SLC12A2: variants seen among roughly 807,000 people sequenced by gnomAD.
SLC12A2 encodes Na-K-2Cl cotransporter 1.
A neutral mutation model predicts 136.3 loss-of-function variants in SLC12A2; 67 were observed. That is an observed-to-expected ratio of 0.49 (90% CI 0.40 to 0.60). The LOEUF (loss-of-function observed/expected upper bound fraction) is 0.60. Ranked by LOEUF, SLC12A2 falls within the 20% of genes least tolerant of loss-of-function variation. The pLI is 0.00. For missense variants in SLC12A2, 1,322 were observed against 1,534.7 expected (o/e 0.86, Z 2.32); for synonymous variants, 619 against 562.9 (o/e 1.10, Z -1.41).
chr5:128,104,030 A>G (rs1760835300), intron 1 of SLC12A2, among the ~76,000 whole-genome samples: 1 of 152,232 alleles, frequency 6.6e-6, no homozygotes, highest in Admixed American at 6.5e-5. Flanking sequence ...GATCGAAAGA[A>G]TTCCTTGGGA....
chr5:128,111,094 G>T, intron 1 of SLC12A2: 1 of 502,716 alleles, frequency 2.0e-6, no homozygotes, highest in Non-Finnish European at 3.7e-6. Context: ...TATAAAATCT[G>T]TGTGATTGTT....
chr5:128,128,777 AAC>A (rs1265213481), intron 4 of SLC12A2, among the ~76,000 whole-genome samples: 2 of 151,680 alleles, frequency 1.3e-5, no homozygotes, highest in Non-Finnish European at 2.9e-5. Context: ...GTAAAAAAAT[AAC>A]ACAGCCTTTC....
intron 4 of SLC12A2, among the ~76,000 whole-genome samples, chr5:128,128,198 A>G (rs1274398739): frequency 2.6e-5 from 4 of 152,186 alleles, no homozygotes; most frequent in Admixed American, 6.5e-5. Flanking sequence ...AAATTGAGAC[A>G]CACTTTATGA....
intron 5 of SLC12A2, among the ~76,000 whole-genome samples, chr5:128,132,720 A>G (rs1214842658): frequency 6.6e-6 from 1 of 152,184 alleles, no homozygotes; most frequent in Non-Finnish European, 1.5e-5. Flanking sequence ...CTGCGTTGAC[A>G]TTGACCTTTA....
chr5:128,154,049 C>T (rs1212234110), intron 15 of SLC12A2, among the ~76,000 whole-genome samples: 4 of 142,144 alleles, frequency 2.8e-5, no homozygotes, highest in Admixed American at 7.1e-5. Context: ...GTTTATTTGC[C>T]GTCAATTAAA....
chr5:128,158,297 C>T (rs1181134101), intron 16 of SLC12A2, 133 bp downstream of exon 16: 6 of 676,934 alleles, frequency 8.9e-6, no homozygotes, highest in Non-Finnish European at 1.5e-5. Flanking sequence ...TGTTTTGTCA[C>T]CCAGGTAATA....
chr5:128,177,809 T>C (rs967968778), intron 21 of SLC12A2, among the ~76,000 whole-genome samples: 3 of 152,198 alleles, frequency 2.0e-5, no homozygotes, highest in Non-Finnish European at 4.4e-5. Flanking sequence ...AGTTTCATGA[T>C]AGTCATTTGC....
Position 128,083,887 on chromosome 5 carries a change from G to C in SLC12A2, c.-68G>C. ...TTGCGGCTGTGGCCACCGCCGGCCA[G>C]GGGTGTGGAGGGCGTGCTGCCGGAG... On this transcript the variant is annotated 5_prime_UTR_variant, in exon 1 of 27. Transcript: ENST00000262461. 8.8e-7 allele frequency: 1 copy of C among 1,140,640 alleles called. No individual in the cohort carries two copies. Among genetic ancestry groups the C allele is most frequent in the Non-Finnish European group, 1.1e-6 (1 of 909,946 alleles). The allele number at this position is 1,140,640 out of a possible 1,614,324, so 70.7% of individuals were successfully genotyped here.
chr5:128,137,095 C>T (rs1762212675), intron 7 of SLC12A2, among the ~76,000 whole-genome samples: 1 of 152,166 alleles, frequency 6.6e-6, no homozygotes, highest in Admixed American at 6.5e-5. Context: ...GATGTTGAAT[C>T]TTTCAGTCCA....
intron 4 of SLC12A2, among the ~76,000 whole-genome samples, chr5:128,128,651 C>T (rs1761903742): frequency 6.6e-6 from 1 of 151,920 alleles, no homozygotes; most frequent in Non-Finnish European, 1.5e-5. Context: ...TACTTAACCT[C>T]CCTGAGCTGT....
chr5:128,094,920 A>G (rs1171349430), intron 1 of SLC12A2, among the ~76,000 whole-genome samples: 3 of 152,158 alleles, frequency 2.0e-5, no homozygotes, highest in Non-Finnish European at 4.4e-5. Context: ...GCTAGTTGTT[A>G]TCATTGGACA....
chr5:128,171,624 AT>A (rs3214907), intron 18 of SLC12A2, 42 bp from the exon 19 acceptor site: 3,122 of 1,191,838 alleles, frequency 2.6e-3, no homozygotes, highest in South Asian at 3.3e-3. Context: ...AATTTTTGTG[AT>A]TTTTTTTTTG....
chr5:128,123,642 G>T (rs1761673694), intron 4 of SLC12A2, among the ~76,000 whole-genome samples: 1 of 152,070 alleles, frequency 6.6e-6, no homozygotes, highest in Non-Finnish European at 1.5e-5. Context: ...GTTATTTATT[G>T]TATTGAGAGT....
Position 128,174,580 on chromosome 5 carries a change from A to G in SLC12A2, c.2843A>G (p.Lys948Arg). The change falls in exon 20 of 27, where the codon AAG (lysine) becomes AGG (arginine). Residue 948 changes from lysine to arginine, a missense_variant. Lys to Arg is a conservative substitution (Grantham distance 26). Transcript: ENST00000262461. Reference protein sequence around the residue: ...LSSQEKSPGTKDVVVSVEYSK... With the variant: ...LSSQEKSPGTRDVVVSVEYSK... ...TCACAAGAGAAATCTCCTGGCACCA[A>G]GGATGTGGTAGTAAGTGTGGAATAT... is the stretch of plus-strand genomic sequence containing the variant. The G allele has an allele frequency of 6.2e-7, 1 of 1,609,268 alleles. No homozygotes were observed. Among genetic ancestry groups the G allele is most frequent in the Non-Finnish European group, 8.5e-7 (1 of 1,177,088 alleles).
intron 1 of SLC12A2, among the ~76,000 whole-genome samples, chr5:128,086,460 C>T (rs1277790282): frequency 2.6e-5 from 4 of 152,082 alleles, no homozygotes; most frequent in African/African-American, 9.7e-5. Flanking sequence ...TAAAAATGAC[C>T]ATGTTCAGTG....
intron 1 of SLC12A2, among the ~76,000 whole-genome samples, chr5:128,108,399 A>T (rs1449326843): frequency 3.3e-5 from 5 of 152,242 alleles, no homozygotes; most frequent in Non-Finnish European, 7.3e-5. Flanking sequence ...AAGTAGAACC[A>T]GCCCAAATGT....
chr5:128,097,368 G>A (rs1435272956), intron 1 of SLC12A2, among the ~76,000 whole-genome samples: 1 of 151,930 alleles, frequency 6.6e-6, no homozygotes, highest in Non-Finnish European at 1.5e-5. Context: ...GCTGCCTATA[G>A]AATATTCATA....
chr5:128,145,148 C>G (rs1054381051), intron 10 of SLC12A2, among the ~76,000 whole-genome samples: 8 of 151,974 alleles, frequency 5.3e-5, no homozygotes, highest in Non-Finnish European at 1.2e-4. Flanking sequence ...AGATGAAAAG[C>G]CTGGATCATT....
chr5:128,086,319 G>C (rs1211099292), intron 1 of SLC12A2, among the ~76,000 whole-genome samples: 3 of 151,958 alleles, frequency 2.0e-5, no homozygotes, highest in Non-Finnish European at 4.4e-5. Flanking sequence ...TGTGTTTTTT[G>C]CTTGGCTTTT....
Sources: allele counts gnomAD v4.1 joint callset (sites outside exome capture counted in the v4.1 genomes callset), GRCh38; gene constraint gnomAD v4.1.1; transcripts MANE v1.5; gene names NCBI Gene and HGNC (gene_info 2026-07-23, HGNC 2026-07-21).